Variants in ADAM18 observed in about 807,000 individuals in gnomAD.
ADAM18 encodes the protein ADAM metallopeptidase domain 18.
Under a neutral mutation model 94.4 loss-of-function variants are expected in ADAM18, and 117 were observed. The ratio of observed to expected loss-of-function variants is 1.24; its 90% CI spans 1.07 to 1.45. The LOEUF is 1.45. ADAM18 is among the 40% of genes most tolerant of loss of function. The pLI, the probability that ADAM18 is intolerant of heterozygous loss-of-function variation, is 0.00. For synonymous variants in ADAM18, 327 were observed against 291.6 expected (o/e 1.12, Z -1.24); for missense variants, 936 against 880.0 (o/e 1.06, Z -0.81).
chr8:39,632,707 G>A (rs1199691399), intron 7 of ADAM18, among the ~76,000 whole-genome samples: 1 of 151,142 alleles, frequency 6.6e-6, no homozygotes, highest in Non-Finnish European at 1.5e-5. Context: ...TAGTCTCTTC[G>A]AGAATTTAGA....
At chr8:39,584,875 C>T (rs991138473) in intron 1 of ADAM18, among the ~76,000 whole-genome samples, 198 bp downstream of exon 1, 3 of 152,112 alleles carry the variant, frequency 2.0e-5, no homozygotes, top group Admixed American at 2.0e-4. Context: ...CCTGTTAGCG[C>T]TCTGCATCAG....
intron 14 of ADAM18, among the ~76,000 whole-genome samples, chr8:39,670,404 T>C (rs1005724389): frequency 2.6e-5 from 4 of 152,186 alleles, no homozygotes; most frequent in African/African-American, 9.6e-5. Context: ...CTTAGCTTTT[T>C]ACTTGCAGGC....
intron 16 of ADAM18, among the ~76,000 whole-genome samples, chr8:39,682,599 G>T (rs1821495046): frequency 6.6e-6 from 1 of 152,146 alleles, no homozygotes; most frequent in African/African-American, 2.4e-5. Flanking sequence ...AGATATTTCA[G>T]AATTGCTATG....
intron 16 of ADAM18, among the ~76,000 whole-genome samples, chr8:39,685,694 G>A (rs1299398717): frequency 6.6e-6 from 1 of 151,986 alleles, no homozygotes; most frequent in East Asian, 1.9e-4. Context: ...AAATTTTTTA[G>A]TTCTGCTTTC....
Position 39,668,160 on chromosome 8 carries a change from A to T in ADAM18, c.1489A>T (p.Thr497Ser), listed in dbSNP as rs1174426900. ...TAYCYNGQCQ[T>S]TDNQCAKIFG... The stretch of plus-strand genomic sequence containing the variant: ...CTATTGCTATAACGGACAATGTCAA[A>T]CTACTGATAACCAGTGTGCCAAGAT... Residue 497 changes from threonine (T) to serine (S), a missense_variant, in exon 14 of 20, where the codon ACT (threonine) becomes TCT (serine). By Grantham distance (58) the Thr-to-Ser change is moderately conservative (BLOSUM62 1). Transcript: ENST00000265707. The T allele has an allele frequency of 6.2e-7, 1 of 1,613,942 alleles. No individual in the cohort carries two copies. Among genetic ancestry groups the T allele is most frequent in the East Asian group, 2.2e-5 (1 of 44,870 alleles).
intron 16 of ADAM18, chr8:39,685,041 A>T (rs949544117): frequency 6.6e-6 from 1 of 152,238 alleles, no homozygotes; most frequent in African/African-American, 2.4e-5. Context: ...GGAATTACTT[A>T]TTCAGGGAGC....
Position 39,638,544 on chromosome 8 carries a change from A to G in ADAM18, c.907A>G (p.Met303Val). 1 of 1,535,932 alleles carries G rather than the reference A, an allele frequency of 6.5e-7. No individual in the cohort carries two copies. The highest frequency in any genetic ancestry group is 8.8e-7 in the Non-Finnish European group (1 of 1,137,388). ...TAAAAGCTATGATGCAGGTATTGCT[A>G]TGGTATGTAATTTTTATTCTTCTTT... is the stretch of plus-strand genomic sequence containing the variant. The part of the protein sequence containing the change: ...CNKSYDAGIA[M>V]YPDAIGLEGF... The change falls in exon 10 of 20, where the codon ATG becomes GTG. Residue 303 changes from methionine to valine, a missense_variant and splice_region_variant. Met to Val is a conservative substitution (Grantham distance 21). Transcript: ENST00000265707.
chr8:39,592,013 C>CT (rs1231268086), intron 2 of ADAM18, among the ~76,000 whole-genome samples: 1 of 152,128 alleles, frequency 6.6e-6, no homozygotes, highest in Non-Finnish European at 1.5e-5. Flanking sequence ...TGAAAATAAT[C>CT]TTTTTTTCTG....
Position 39,692,603 on chromosome 8 carries a change from T to C in ADAM18, c.1825T>C (p.Cys609Arg). 2 of 1,597,054 alleles carry C rather than the reference T, an allele frequency of 1.3e-6. No individual in the cohort carries two copies. Among genetic ancestry groups the C allele is most frequent in the Non-Finnish European group, 8.5e-7 (1 of 1,170,562 alleles). ...ATTTTTGTTTGTTTTGTTTTAGTAC[T>C]GTGTAAATAAAACCTGCAGAAAAGT... Reference protein sequence around the residue: ...DGTMCGPEMYCVNKTCRKVHL... With the variant: ...DGTMCGPEMYRVNKTCRKVHL... Residue 609 changes from cysteine (C) to arginine (R), a missense_variant, in exon 17 of 20, where the codon TGT becomes CGT. Coordinates refer to ENST00000265707, the MANE Select transcript of ADAM18 (RefSeq NM_014237.3).
At chr8:39,723,344 A>T (rs1822812340) in intron 18 of ADAM18, among the ~76,000 whole-genome samples, 1 of 151,568 alleles carries the variant, frequency 6.6e-6, no homozygotes, top group Non-Finnish European at 1.5e-5. Flanking sequence ...TAAACACTAG[A>T]TGGAGAGAAA....
intron 18 of ADAM18, among the ~76,000 whole-genome samples, chr8:39,715,011 T>C (rs1822531923): frequency 6.6e-6 from 1 of 152,024 alleles, no homozygotes; most frequent in South Asian, 2.1e-4. Flanking sequence ...TTCCATACAA[T>C]GAGAGCAGAA....
intron 2 of ADAM18, among the ~76,000 whole-genome samples, chr8:39,587,968 A>T (rs1291500884): frequency 6.6e-6 from 1 of 152,220 alleles, no homozygotes; most frequent in African/African-American, 2.4e-5. Context: ...CCAAACCACG[A>T]ATATTGTGAA....
chr8:39,677,451 G>C lies in ADAM18; in HGVS notation c.1546G>C (p.Ala516Pro). Reference sequence around the variant, plus strand: ...TTAAGGTGCTCAAGGTGCTCCATTTGCCTGTTTTAAAGAAGTTAATTCTCT... The same window carrying C: ...TTAAGGTGCTCAAGGTGCTCCATTTCCCTGTTTTAAAGAAGTTAATTCTCT... ...FGKGAQGAPFACFKEVNSLHE... is the reference protein window; with the variant it reads ...FGKGAQGAPFPCFKEVNSLHE... The change falls in exon 15 of 20, where the codon GCC (alanine) becomes CCC (proline). Residue 516 changes from alanine to proline, a missense_variant. Physicochemically the swap from Ala to Pro is conservative, Grantham distance 27. Coordinates refer to ENST00000265707, the MANE Select transcript of ADAM18 (RefSeq NM_014237.3). 2 of 1,607,818 alleles carry C rather than the reference G, an allele frequency of 1.2e-6. No individual in the cohort carries two copies. The highest frequency in any genetic ancestry group is 1.7e-6 in the Non-Finnish European group (2 of 1,178,694).
intron 2 of ADAM18, among the ~76,000 whole-genome samples, chr8:39,591,219 G>T (rs1049859881): frequency 6.6e-6 from 1 of 152,088 alleles, no homozygotes; most frequent in Non-Finnish European, 1.5e-5. Flanking sequence ...TGAAGGTTGG[G>T]GTGGCTGTGC....
intron 18 of ADAM18, among the ~76,000 whole-genome samples, chr8:39,717,263 T>G (rs909318864): frequency 1.3e-4 from 20 of 149,120 alleles, no homozygotes; most frequent in Non-Finnish European, 2.4e-4. Flanking sequence ...TTGTCACAAT[T>G]CACATCTATT....
At chr8:39,717,199 C>T (rs1586011898) in intron 18 of ADAM18, among the ~76,000 whole-genome samples, 1 of 151,806 alleles carries the variant, frequency 6.6e-6, no homozygotes, top group Admixed American at 6.6e-5. Context: ...ACAATCTAAG[C>T]TCAATCACAT....
At chr8:39,661,267 C>T (rs1055747761) in intron 12 of ADAM18, among the ~76,000 whole-genome samples, 1 of 149,634 alleles carries the variant, frequency 6.7e-6, no homozygotes, top group Non-Finnish European at 1.5e-5. Flanking sequence ...ATTCTCCTGC[C>T]TCAGCCTCCC....
intron 14 of ADAM18, among the ~76,000 whole-genome samples, chr8:39,673,929 G>C (rs113856595): frequency 9.2e-5 from 14 of 152,206 alleles, no homozygotes; most frequent in African/African-American, 3.1e-4. Flanking sequence ...GTAGTTGTGC[G>C]GTTTTGAGAG....
chr8:39,585,791 GA>G (rs989819725), intron 2 of ADAM18, among the ~76,000 whole-genome samples: 1 of 151,818 alleles, frequency 6.6e-6, no homozygotes, highest in African/African-American at 2.4e-5. Context: ...AAAAAGCAAA[GA>G]AAAAATAAAA....
Sources: allele counts gnomAD v4.1 joint callset (sites outside exome capture counted in the v4.1 genomes callset), GRCh38; gene constraint gnomAD v4.1.1; transcripts MANE v1.5; gene names NCBI Gene and HGNC (gene_info 2026-07-23, HGNC 2026-07-21).